Variants in NPHP1 observed in about 807,000 individuals in gnomAD.
NPHP1 encodes nephrocystin 1.
Under a neutral mutation model 90.4 loss-of-function variants are expected in NPHP1, and 70 were observed. The ratio of observed to expected loss-of-function variants is 0.77; its 90% confidence interval spans 0.64 to 0.95. The LOEUF is 0.95. Among genes scored for constraint, NPHP1 ranks in the 40% least tolerant of loss-of-function variants. The pLI is 0.00. For missense variants in NPHP1, 764 were observed against 795.9 expected, an observed-to-expected ratio of 0.96 and a Z score of 0.48; for synonymous variants, 256 against 271.7, an observed-to-expected ratio of 0.94 and a Z score of 0.57.
intron 16 of NPHP1, among the ~76,000 whole-genome samples, chr2:110,141,156 C>T (rs1248567591): frequency 1.3e-5 from 2 of 152,150 alleles, no homozygotes; most frequent in Non-Finnish European, 2.9e-5. Flanking sequence ...AAGGTGATTT[C>T]AAATGCCCCC....
chr2:110,192,936 C>G (rs1202403221), intron 2 of NPHP1, among the ~76,000 whole-genome samples: 6 of 151,996 alleles, frequency 3.9e-5, no homozygotes, highest in Non-Finnish European at 7.4e-5. Flanking sequence ...AAATAAAATC[C>G]TTTACAGACA....
intron 2 of NPHP1, among the ~76,000 whole-genome samples, chr2:110,189,712 A>C (rs1462946062): frequency 6.6e-6 from 1 of 152,120 alleles, no homozygotes; most frequent in African/African-American, 2.4e-5. Flanking sequence ...CTGTTCTGAC[A>C]GGTTGCTGAC....
chr2:110,171,161 G>A (rs181167884), intron 4 of NPHP1, among the ~76,000 whole-genome samples: 9 of 152,190 alleles, frequency 5.9e-5, no homozygotes, highest in East Asian at 1.9e-4. Context: ...TGAATCTGAG[G>A]GTGAGGAAGA....
intron 11 of NPHP1, among the ~76,000 whole-genome samples, chr2:110,158,407 C>A (rs1682066678): frequency 6.6e-6 from 1 of 152,078 alleles, no homozygotes; most frequent in African/African-American, 2.4e-5. Context: ...AACTCCCCAA[C>A]TATAATAGAG....
At chr2:110,192,341 C>G (rs1199783272) in intron 2 of NPHP1, among the ~76,000 whole-genome samples, 1 of 152,084 alleles carries the variant, frequency 6.6e-6, no homozygotes, top group Non-Finnish European at 1.5e-5. Flanking sequence ...AACCATGGCA[C>G]AAGAACTACG....
intron 8 of NPHP1, 200 bp downstream of exon 8, chr2:110,164,488 A>AC (rs1491071297): frequency 3.6e-6 from 2 of 554,196 alleles, no homozygotes. Flanking sequence ...CTTTTTGTAC[A>AC]AAAAAAAAAA....
intron 16 of NPHP1, among the ~76,000 whole-genome samples, chr2:110,134,277 C>T (rs1435877879): frequency 6.6e-6 from 1 of 151,876 alleles, no homozygotes; most frequent in Admixed American, 6.6e-5. Flanking sequence ...AAATACACAA[C>T]CTACTAAGGC....
At position 110,204,880 on chromosome 2, in the gene NPHP1, T is replaced by C. The variant is rs199941495; in HGVS notation, c.69+20A>G. 20 of 1,613,256 alleles carry C rather than the reference T, an allele frequency of 1.2e-5. No homozygotes were observed. In the African/African-American group the frequency reaches 2.4e-4, roughly 19 times the overall value. ...CCGCCTGTCGCCCGCCCCAGGGCCC[T>C]CTGCACAGCCTGACCATACCTGTTG... On this transcript the variant is annotated intron_variant, in intron 1 of 19. Transcript: ENST00000445609.
rs114139329 is a variant in NPHP1 at position 110,204,341 on chromosome 2, G to A, written c.69+559C>T. Among the ~76,000 whole-genome samples the A allele has an allele frequency of 5.4e-3, 827 of 152,180 alleles. 13 individuals carry two copies. The highest frequency in any genetic ancestry group is 0.017 in the African/African-American group (707 of 41,500). On this transcript the variant is annotated intron_variant, in intron 1 of 19. Coordinates refer to ENST00000445609, the MANE Select transcript of NPHP1 (RefSeq NM_001128178.3). Reference sequence around the variant, plus strand: ...AGTATCTTTGAAGTTAACATTCCTCGTATGTTTATGAGTTACTTGTATTTC... The same window carrying A: ...AGTATCTTTGAAGTTAACATTCCTCATATGTTTATGAGTTACTTGTATTTC...
At chr2:110,132,284 T>C (rs1679843188) in intron 16 of NPHP1, among the ~76,000 whole-genome samples, 1 of 152,214 alleles carries the variant, frequency 6.6e-6, no homozygotes. Context: ...ATTCATCTCC[T>C]TGTGCTTTGG....
Position 110,169,831 on chromosome 2 carries a change from T to C in NPHP1, c.497A>G (p.Gln166Arg). 5 of 1,613,372 alleles carry C rather than the reference T, an allele frequency of 3.1e-6. No individual in the cohort carries two copies. The highest frequency in any genetic ancestry group is 4.2e-6 in the Non-Finnish European group (5 of 1,179,374). The part of the protein sequence containing the change: ...EYIAVGDFTA[Q>R]QVGDLTFKKG... ...CTTAAATGTAAGATCTCCAACTTGCTGAGCAGTAAAATCTCCAACAGCGAT... is the reference window on the plus strand; with the variant it reads ...CTTAAATGTAAGATCTCCAACTTGCCGAGCAGTAAAATCTCCAACAGCGAT... Residue 166 changes from glutamine to arginine, a missense_variant, in exon 5 of 20, where the codon CAG (glutamine) becomes CGG (arginine). By Grantham distance (43) the Gln-to-Arg change is conservative. Transcript: ENST00000445609.
Position 110,170,738 on chromosome 2 carries a change from C to T in NPHP1, c.330-740G>A, listed in dbSNP as rs148581900. ...CAATCACACAAGAGGGACACCTAAC[C>T]CAGGTTGCACGAATGGGAATCATAA... On this transcript the variant is annotated intron_variant, in intron 4 of 19. Transcript: ENST00000445609. Among the ~76,000 whole-genome samples the T allele has an allele frequency of 3.1e-3, 467 of 152,134 alleles. 2 individuals carry two copies. Among genetic ancestry groups the T allele is most frequent in the African/African-American group, 0.011 (460 of 41,498 alleles).
intron 2 of NPHP1, among the ~76,000 whole-genome samples, chr2:110,193,810 T>A (rs574913885): frequency 3.3e-4 from 50 of 152,216 alleles, no homozygotes; most frequent in African/African-American, 1.1e-3. Context: ...AAACTGTCTC[T>A]CAGACCAAAG....
intron 2 of NPHP1, among the ~76,000 whole-genome samples, chr2:110,192,676 G>A (rs999862662): frequency 6.6e-6 from 1 of 152,042 alleles, no homozygotes; most frequent in Non-Finnish European, 1.5e-5. Context: ...GATACTCCTC[G>A]AGAAGAGCAA....
At chr2:110,199,375 A>G (rs1477529830) in intron 2 of NPHP1, among the ~76,000 whole-genome samples, 5 of 152,014 alleles carry the variant, frequency 3.3e-5, no homozygotes, top group Admixed American at 6.6e-5. Flanking sequence ...CAGAGGTTGC[A>G]GTGAGCCAAG....
intron 2 of NPHP1, among the ~76,000 whole-genome samples, chr2:110,189,874 T>TA (rs1344763633): frequency 1.3e-5 from 2 of 152,122 alleles, no homozygotes; most frequent in African/African-American, 4.8e-5. Flanking sequence ...AACCCTGAGT[T>TA]AGACACAGGG....
At chr2:110,160,314 C>G in intron 10 of NPHP1, 59 bp from the exon 11 acceptor site, 1 of 1,389,108 alleles carries the variant, frequency 7.2e-7, no homozygotes, top group Middle Eastern at 1.8e-4. Context: ...ACAAATCTGT[C>G]TTTTGTGAAT....
At chr2:110,127,911 T>C (rs1463509572) in intron 18 of NPHP1, 1 of 152,160 alleles carries the variant, frequency 6.6e-6, no homozygotes, top group Non-Finnish European at 1.5e-5. Flanking sequence ...GTGAAATCTT[T>C]GTTGAAGAAT....
intron 1 of NPHP1, among the ~76,000 whole-genome samples, chr2:110,203,973 A>T (rs150433364): frequency 6.6e-6 from 1 of 152,236 alleles, no homozygotes; most frequent in African/African-American, 2.4e-5. Flanking sequence ...AAAGAAAATC[A>T]TAATAATCAT....
Sources: gnomAD v4.1 joint callset for allele counts (sites outside exome capture counted in the v4.1 genomes callset) on GRCh38, gnomAD v4.1.1 for gene constraint, MANE v1.5 for transcripts, NCBI Gene and HGNC (gene_info 2026-07-23, HGNC 2026-07-21) for gene names.